DNAH9: variants seen among roughly 807,000 people sequenced by gnomAD.
The protein encoded by DNAH9 is DNAH9 variant protein.
Under a neutral mutation model 471.6 loss-of-function variants are expected in DNAH9, and 345 were observed. That is an observed-to-expected ratio of 0.73 (90% CI 0.67 to 0.80). The LOEUF is 0.80. Ranked by LOEUF, DNAH9 falls within the 30% of genes least tolerant of loss-of-function variation. DNAH9 has a pLI of 0.00. For missense variants in DNAH9, 5,407 were observed against 5,609.2 expected, an observed-to-expected ratio of 0.96 and a Z score of 1.15; for synonymous variants, 2,093 against 2,123.6, an observed-to-expected ratio of 0.99 and a Z score of 0.40.
At chr17:11,698,197 A>AT (rs1567728670) in intron 22 of DNAH9, among the ~76,000 whole-genome samples, 3 of 118,010 alleles carry the variant, frequency 2.5e-5, no homozygotes, top group Admixed American at 9.8e-5. Context: ...TTAATATAAT[A>AT]ATATATTAAT....
chr17:11,653,280 A>G (rs937334179), intron 14 of DNAH9, among the ~76,000 whole-genome samples: 1 of 152,170 alleles, frequency 6.6e-6, no homozygotes, highest in Non-Finnish European at 1.5e-5. Context: ...AGGGAACAGA[A>G]GAAGATGACA....
intron 17 of DNAH9, among the ~76,000 whole-genome samples, chr17:11,676,518 G>A (rs1322435657): frequency 6.6e-6 from 1 of 151,530 alleles, no homozygotes; most frequent in Non-Finnish European, 1.5e-5. Flanking sequence ...CCTGACCCCA[G>A]GTGATCCACC....
In DNAH9 at chr17:11,860,066, C is replaced by A. The variant is rs202056095; in HGVS notation, c.9933+5638C>A. Among the ~76,000 whole-genome samples, 12 of 152,306 alleles carry A rather than the reference C, an allele frequency of 7.9e-5. No individual in the cohort carries two copies. The East Asian group carries it at 2.1e-3, about 27-fold the overall frequency. ...ACTGAGAATACATTCTCTTCTGTAA[C>A]CAAAACTAAGTGACCCATGCTCTGT... On this transcript the variant is annotated intron_variant, in intron 50 of 68. Coordinates refer to ENST00000262442, the MANE Select transcript of DNAH9 (RefSeq NM_001372.4).
At chr17:11,861,210 T>G (rs1262190709) in intron 50 of DNAH9, among the ~76,000 whole-genome samples, 1 of 151,898 alleles carries the variant, frequency 6.6e-6, no homozygotes, top group Non-Finnish European at 1.5e-5. Context: ...CAGAGTGTGA[T>G]GTTCCCCTTC....
At chr17:11,605,881 A>T (rs1425761209) in intron 1 of DNAH9, among the ~76,000 whole-genome samples, 1 of 151,890 alleles carries the variant, frequency 6.6e-6, no homozygotes, top group African/African-American at 2.4e-5. Context: ...CCCACTCAAA[A>T]CTATTCCTTT....
chr17:11,808,561 G>A lies in DNAH9; in HGVS notation c.8583+667G>A, dbSNP rs187801051. ...AATCTCTCAGCCAGTGACAGAAGAG[G>A]GAGGTGCTCACTTCTGCTCTAAAAC... On this transcript the variant is annotated intron_variant, in intron 44 of 68. Coordinates refer to ENST00000262442, the MANE Select transcript of DNAH9 (RefSeq NM_001372.4). Among the ~76,000 whole-genome samples, 31 of 152,302 alleles carry A rather than the reference G, an allele frequency of 2.0e-4. No individual in the cohort carries two copies. The East Asian group carries it at 5.2e-3, about 26-fold the overall frequency.
intron 49 of DNAH9, among the ~76,000 whole-genome samples, chr17:11,836,603 A>G (rs1172424227): frequency 6.6e-6 from 1 of 152,088 alleles, no homozygotes; most frequent in Admixed American, 6.6e-5. Flanking sequence ...CTGGCCCCTC[A>G]CAGCAACACT....
At chr17:11,841,386 A>AT (rs1257690566) in intron 49 of DNAH9, among the ~76,000 whole-genome samples, 1 of 152,170 alleles carries the variant, frequency 6.6e-6, no homozygotes, top group African/African-American at 2.4e-5. Context: ...GAGAAAAAAC[A>AT]TTTTTTAAAG....
intron 66 of DNAH9, 70 bp from the exon 67 acceptor site, chr17:11,942,233 C>T (rs1332758136): frequency 1.3e-6 from 2 of 1,560,724 alleles, no homozygotes; most frequent in Non-Finnish European, 1.7e-6. Flanking sequence ...TAGTCCCACA[C>T]TGCAGGAAAA....
intron 1 of DNAH9, among the ~76,000 whole-genome samples, chr17:11,607,906 G>C (rs1224362411): frequency 6.6e-6 from 1 of 152,132 alleles, no homozygotes; most frequent in Non-Finnish European, 1.5e-5. Flanking sequence ...TTTATCCCCA[G>C]GAGCAGAATG....
chr17:11,867,010 A>C (rs1434311690), intron 50 of DNAH9, among the ~76,000 whole-genome samples: 1 of 152,202 alleles, frequency 6.6e-6, no homozygotes, highest in Non-Finnish European at 1.5e-5. Flanking sequence ...CAGCTCGCGC[A>C]TGGTGCGCTG....
intron 62 of DNAH9, chr17:11,925,223 T>G (rs1304925191): frequency 4.4e-6 from 2 of 454,354 alleles, no homozygotes; most frequent in Non-Finnish European, 8.8e-6. Flanking sequence ...TAGCAGACAC[T>G]GAAACAAAAG....
chr17:11,923,935 T>C lies in DNAH9; in HGVS notation c.11871T>C (p.Ile3957=), dbSNP rs1232312894. 1 of 1,613,840 alleles carries C rather than the reference T, an allele frequency of 6.2e-7. No homozygotes were observed. Among genetic ancestry groups the C allele is most frequent in the Admixed American group, 1.7e-5 (1 of 59,992 alleles). The part of the protein sequence containing the change: ...DLAAKKGHWV[I]LQNIHLVAKW... Reference sequence around the variant, plus strand: ...CTGCCAAGAAAGGTCACTGGGTTATTTTGCAGGTATGTTCCTCTACCCTTG... The same window carrying C: ...CTGCCAAGAAAGGTCACTGGGTTATCTTGCAGGTATGTTCCTCTACCCTTG... Residue 3957 remains isoleucine, a synonymous_variant, in exon 62 of 69, where the codon ATT becomes ATC. Coordinates refer to ENST00000262442, the MANE Select transcript of DNAH9 (RefSeq NM_001372.4).
chr17:11,812,056 C>CATATATATATATATATATATATAT (rs371646004), intron 45 of DNAH9, among the ~76,000 whole-genome samples: 1 of 63,402 alleles, frequency 1.6e-5, no homozygotes. Context: ...TATATATATA[C>CATATATATATATATATATATATAT]ACATACATAC....
chr17:11,877,885 C>T lies in DNAH9; in HGVS notation c.10479-2193C>T, dbSNP rs539516899. 2.6e-5 allele frequency among the ~76,000 whole-genome samples: 4 copies of T among 152,190 alleles called. No homozygotes were observed. The East Asian group carries it at 7.8e-4, about 29-fold the overall frequency. On this transcript the variant is annotated intron_variant, in intron 53 of 68. Coordinates refer to ENST00000262442, the MANE Select transcript of DNAH9 (RefSeq NM_001372.4). ...GAGTAGCTGGGATCACAGGCGTGTGCCACTATGCCTGGCTAATATTTTGTA... is the reference window on the plus strand; with the variant it reads ...GAGTAGCTGGGATCACAGGCGTGTGTCACTATGCCTGGCTAATATTTTGTA...
intron 32 of DNAH9, among the ~76,000 whole-genome samples, chr17:11,749,857 T>A (rs1440912927): frequency 6.6e-6 from 1 of 152,172 alleles, no homozygotes; most frequent in Middle Eastern, 3.2e-3. Flanking sequence ...TATACTAATG[T>A]CATTTTATTT....
At position 11,705,158 on chromosome 17, in the gene DNAH9, G is replaced by A. The variant is rs184471981; in HGVS notation, c.5525G>A (p.Arg1842His). ...TATGAGTACCTGGGAAACACACCTC[G>A]CTTGGTGATCACACCTTTGACTGAC... ...YSYEYLGNTP[R>H]LVITPLTDRC... Residue 1842 changes from arginine (R) to histidine (H), a missense_variant, in exon 26 of 69, where the codon CGC becomes CAC. Arg to His is a conservative substitution (Grantham distance 29, BLOSUM62 0). Around this residue, in one of 3 missense-constraint regions of DNAH9, gnomAD observed 4,636 missense variants for 4,900.3 expected, o/e 0.95. Coordinates refer to ENST00000262442, the MANE Select transcript of DNAH9 (RefSeq NM_001372.4). The A allele has an allele frequency of 8.5e-5, 137 of 1,614,124 alleles. 1 individual carries two copies. The East Asian group carries it at 2.0e-3, about 24-fold the overall frequency.
intron 41 of DNAH9, among the ~76,000 whole-genome samples, chr17:11,788,034 T>C (rs1968932409): frequency 6.6e-6 from 1 of 152,120 alleles, no homozygotes. Context: ...ACCATTCCCA[T>C]CTCAGTGCAA....
chr17:11,884,098 A>C (rs1330869377), intron 56 of DNAH9, among the ~76,000 whole-genome samples: 1 of 152,208 alleles, frequency 6.6e-6, no homozygotes, highest in Admixed American at 6.5e-5. Flanking sequence ...CCTGAAGCTA[A>C]GGAATCGCAC....
Sources: gnomAD v4.1 joint callset for allele counts (sites outside exome capture counted in the v4.1 genomes callset) on GRCh38, gnomAD v4.1.1 for gene constraint, gnomAD v4.1.1 regional missense constraint, MANE v1.5 for transcripts, NCBI Gene and HGNC (gene_info 2026-07-23, HGNC 2026-07-21) for gene names.